The following SRGAP2 variants were observed in gnomAD, a reference collection of about 807,000 sequenced individuals.
SRGAP2 encodes SLIT-ROBO Rho GTPase-activating protein 2.
A neutral mutation model predicts 57.2 loss-of-function variants in SRGAP2; 15 were observed. The ratio of observed to expected loss-of-function variants is 0.26; its 90% CI spans 0.18 to 0.40. The LOEUF (loss-of-function observed/expected upper bound fraction) is 0.40. Among genes scored for constraint, SRGAP2 ranks in the 10% least tolerant of loss-of-function variants. The pLI is 1.00. For synonymous variants in SRGAP2, 249 were observed against 248.0 expected, an observed-to-expected ratio of 1.00 and a Z score of -0.04; for missense variants, 520 against 669.6, an observed-to-expected ratio of 0.78 and a Z score of 2.47.
At chr1:206,329,601 C>T in intron 3 of SRGAP2, among the ~76,000 whole-genome samples, 1 of 127,822 alleles carries the variant, frequency 7.8e-6, no homozygotes. Context: ...CATGATTTGG[C>T]TCTCTGTCTG....
rs782452728 is a variant in SRGAP2, at chr1:206,439,986, C to A, written c.1779C>A (p.Asn593Lys). 2 of 780,694 alleles carry A rather than the reference C, an allele frequency of 2.6e-6. No homozygotes were observed. The highest frequency in any genetic ancestry group is 4.8e-5 in the East Asian group (2 of 41,256). The allele number at this position is 780,694 out of a possible 1,614,324, so 48.4% of individuals were successfully genotyped here. Residue 593 changes from asparagine (N) to lysine (K), a missense_variant, in exon 17 of 23, where the codon AAC becomes AAA. Asn to Lys is a moderately conservative substitution (Grantham distance 94). Around this residue, in one of 5 missense-constraint regions of SRGAP2, gnomAD observed 478 missense variants for 373.6 expected, o/e 1.28. Coordinates refer to ENST00000573034, the MANE Select transcript of SRGAP2 (RefSeq NM_015326.5). ...HDLMACVTMDNLQERALHIRK... is the reference protein window; with the variant it reads ...HDLMACVTMDKLQERALHIRK... The stretch of plus-strand genomic sequence containing the variant: ...CTTTCTTCTTTTCAGCAATGGACAA[C>A]CTGCAGGAGAGAGCTCTGCACATCC...
intron 3 of SRGAP2, among the ~76,000 whole-genome samples, chr1:206,319,927 G>A (rs1478138850): frequency 1.3e-4 from 20 of 150,498 alleles, no homozygotes; most frequent in African/African-American, 5.0e-4. Flanking sequence ...TCGTGCCTCA[G>A]CCTCCCAAGT....
At chr1:206,374,118 G>A (rs1259481395) in intron 4 of SRGAP2, among the ~76,000 whole-genome samples, 4 of 145,176 alleles carry the variant, frequency 2.8e-5, no homozygotes, top group South Asian at 4.4e-4. Context: ...TCCGCCTCCC[G>A]GGTTCACGCC....
Position 206,418,928 on chromosome 1 carries a change from GTGTGTGTGTA to G in SRGAP2, c.1442-443_1442-434del, listed in dbSNP as rs1335083271. On this transcript the variant is annotated intron_variant, in intron 11 of 22. Coordinates refer to ENST00000573034, the MANE Select transcript of SRGAP2 (RefSeq NM_015326.5). The stretch of plus-strand genomic sequence containing the variant: ...TGTGTGTGTGTGTGTGTGTGTGTGT[GTGTGTGTGTA>G]TACTCAGGAGCAAGTAAACTTGGCC... 1.4e-3 allele frequency among the ~76,000 whole-genome samples: 215 copies of G among 149,462 alleles called. 1 individual carries two copies. The highest frequency in any genetic ancestry group is 5.6e-3 in the East Asian group (29 of 5,140).
In SRGAP2 at chr1:206,203,818, A is replaced by G. The variant is rs1553300053; in HGVS notation, c.-543+168A>G. ...AGACCGCCCCCCCTCCACCCTCTCC[A>G]AATCTCCCAGTACAGCCCATAATAC... On this transcript the variant is annotated intron_variant, in intron 1 of 22. Transcript: ENST00000573034. 3.3e-6 allele frequency: 5 copies of G among 1,528,540 alleles called. No individual in the cohort carries two copies. In the Admixed American group the frequency reaches 1.0e-4, roughly 30 times the overall value. 94.7% of individuals were successfully genotyped at this position (1,528,540 alleles called of 1,614,324 possible). A position where few individuals can be genotyped will look rare whatever the true frequency, so the allele number is the denominator to read the frequency against.
In SRGAP2 at chr1:206,430,221, C is replaced by T. The variant is rs1553367905; in HGVS notation, c.1554C>T (p.His518=). 1.3e-6 allele frequency: 1 copy of T among 780,740 alleles called. No individual in the cohort carries two copies. The highest frequency in any genetic ancestry group is 2.4e-6 in the Non-Finnish European group (1 of 417,884). 48.4% of individuals were successfully genotyped at this position (780,740 alleles called of 1,614,324 possible). A position where few individuals can be genotyped will look rare whatever the true frequency, so the allele number is the denominator to read the frequency against. ...GCTGTATCCGGTTTATCAGCAGACA[C>T]GGTAAGCAGGATGACAGCCTTGTCC... ...VESCIRFISR[H]GLQHEGIFRV... is the part of the protein sequence containing the mutation. Residue 518 remains histidine (H), a splice_region_variant and synonymous_variant, in exon 14 of 23, where the codon CAC becomes CAT. Coordinates refer to ENST00000573034, the MANE Select transcript of SRGAP2 (RefSeq NM_015326.5).
intron 4 of SRGAP2, among the ~76,000 whole-genome samples, chr1:206,372,979 TTCTTTCTTTCTTTCTTTC>T (rs1654787665): frequency 1.3e-5 from 1 of 79,720 alleles, no homozygotes. Flanking sequence ...CTTTCTTTCT[TTCTTTCTTTCTTTCTTTC>T]TTTCTTTCTT....
At chr1:206,207,965 C>G (rs1214704361) in intron 2 of SRGAP2, 1 of 33,114 alleles carries the variant, frequency 3.0e-5, no homozygotes, top group East Asian at 4.6e-4. Context: ...CTGATATTTT[C>G]CCATTGATAC....
chr1:206,243,556 G>A (rs577153717), intron 2 of SRGAP2, among the ~76,000 whole-genome samples: 1 of 152,338 alleles, frequency 6.6e-6, no homozygotes, highest in Admixed American at 6.5e-5. Flanking sequence ...ACTCATGACA[G>A]TTGCTAGTGT....
chr1:206,414,830 C>T (rs1294084275), intron 10 of SRGAP2, among the ~76,000 whole-genome samples: 3 of 152,150 alleles, frequency 2.0e-5, no homozygotes, highest in Non-Finnish European at 4.4e-5. Flanking sequence ...TTGTTAGAGT[C>T]GAATGAGAGA....
intron 13 of SRGAP2, among the ~76,000 whole-genome samples, chr1:206,421,778 C>T (rs547873534): frequency 8.5e-5 from 13 of 152,148 alleles, no homozygotes; most frequent in African/African-American, 1.2e-4. Context: ...AGGCAAGGGC[C>T]GTTCAACTCT....
At chr1:206,445,924 G>C (rs1319239519) in intron 17 of SRGAP2, 151 bp from the exon 18 acceptor site, 3 of 620,764 alleles carry the variant, frequency 4.8e-6, no homozygotes, top group Non-Finnish European at 8.7e-6. Flanking sequence ...TTTCTCCCCA[G>C]CTTACTTTCT....
chr1:206,328,267 T>C (rs1674114351), intron 3 of SRGAP2, among the ~76,000 whole-genome samples: 1 of 94,630 alleles, frequency 1.1e-5, no homozygotes, highest in Admixed American at 1.2e-4. Context: ...GCAATAAACA[T>C]ACGTGTGCAT....
At chr1:206,373,603 T>G (rs1352692706) in intron 4 of SRGAP2, among the ~76,000 whole-genome samples, 1 of 34,452 alleles carries the variant, frequency 2.9e-5, no homozygotes, top group East Asian at 5.6e-4. Flanking sequence ...GGCATGGTGG[T>G]GAACACCTGT....
chr1:206,226,965 G>A (rs1270772210), intron 2 of SRGAP2, among the ~76,000 whole-genome samples: 3 of 151,854 alleles, frequency 2.0e-5, no homozygotes, highest in Admixed American at 6.6e-5. Flanking sequence ...GTAAATATGT[G>A]ATTAATAATG....
At chr1:206,230,666 G>A (rs1255314330) in intron 2 of SRGAP2, among the ~76,000 whole-genome samples, 22 of 145,880 alleles carry the variant, frequency 1.5e-4, no homozygotes, top group Non-Finnish European at 2.7e-4. Flanking sequence ...TCGCTCTGTC[G>A]CCCAGGCTGG....
At chr1:206,353,798 A>T (rs1440733563) in intron 4 of SRGAP2, among the ~76,000 whole-genome samples, 4 of 127,326 alleles carry the variant, frequency 3.1e-5, no homozygotes, top group African/African-American at 9.1e-5. Flanking sequence ...TTTATTTCAG[A>T]TTTTTTTTTT....
At chr1:206,304,261 T>A (rs1672058215) in intron 3 of SRGAP2, among the ~76,000 whole-genome samples, 2 of 141,606 alleles carry the variant, frequency 1.4e-5, no homozygotes, top group African/African-American at 5.6e-5. Flanking sequence ...TGGAGAACTT[T>A]AAAAAAAATA....
rs541562868 is a variant in SRGAP2 at position 206,442,960 on chromosome 1, A to G, written c.1874+2879A>G. Among the ~76,000 whole-genome samples, 17 of 152,280 alleles carry G rather than the reference A, an allele frequency of 1.1e-4. 1 individual carries two copies. Among genetic ancestry groups the G allele is most frequent in the Middle Eastern group, 3.4e-3 (1 of 294 alleles). On this transcript the variant is annotated intron_variant, in intron 17 of 22. Coordinates refer to ENST00000573034, the MANE Select transcript of SRGAP2 (RefSeq NM_015326.5). ...TACTGTTTGTTCTTGGATTGGACACATTGTCAATCTCAAGGAACCAAAAAA... is the reference window on the plus strand; with the variant it reads ...TACTGTTTGTTCTTGGATTGGACACGTTGTCAATCTCAAGGAACCAAAAAA...
Sources: allele counts gnomAD v4.1 joint callset (sites outside exome capture counted in the v4.1 genomes callset), GRCh38; gene constraint gnomAD v4.1.1; regional missense constraint gnomAD v4.1.1; transcripts MANE v1.5; gene names NCBI Gene and HGNC (gene_info 2026-07-23, HGNC 2026-07-21).